The following GPC5 variants were observed in gnomAD, a reference collection of about 807,000 sequenced individuals.
GPC5 encodes the protein glypican-5.
Under a neutral mutation model 53.9 loss-of-function variants are expected in GPC5, and 47 were observed. The ratio of observed to expected loss-of-function variants is 0.87; its 90% CI spans 0.69 to 1.11. GPC5 has a LOEUF of 1.11. Among genes scored for constraint, GPC5 ranks in the 50% most tolerant of loss-of-function variants. The pLI is 0.00. For synonymous variants in GPC5, 286 were observed against 263.3 expected (o/e 1.09, Z -0.84); for missense variants, 748 against 713.1 (o/e 1.05, Z -0.56).
At chr13:91,858,841 G>C (rs915512690) in intron 5 of GPC5, among the ~76,000 whole-genome samples, 1 of 151,632 alleles carries the variant, frequency 6.6e-6, no homozygotes, top group Non-Finnish European at 1.5e-5. Flanking sequence ...TTACTTCTTG[G>C]TCTTTACAGG....
intron 7 of GPC5, among the ~76,000 whole-genome samples, chr13:92,160,385 A>T (rs893093204): frequency 9.9e-5 from 15 of 152,188 alleles, no homozygotes; most frequent in African/African-American, 3.4e-4. Context: ...CCTTCCTTCT[A>T]GTCTTCGGGT....
chr13:92,181,389 T>TA (rs2042145720), intron 7 of GPC5, among the ~76,000 whole-genome samples: 1 of 152,166 alleles, frequency 6.6e-6, no homozygotes, highest in African/African-American at 2.4e-5. Context: ...AATGAATGAA[T>TA]AAAATCAAGC....
chr13:92,584,898 C>T (rs1464905792), intron 7 of GPC5, among the ~76,000 whole-genome samples: 3 of 152,106 alleles, frequency 2.0e-5, no homozygotes, highest in African/African-American at 2.4e-5. Context: ...GCAGCTTCCA[C>T]ATGGTGTCGA....
At chr13:92,535,640 G>C (rs1410583980) in intron 7 of GPC5, among the ~76,000 whole-genome samples, 1 of 149,542 alleles carries the variant, frequency 6.7e-6, no homozygotes, top group Non-Finnish European at 1.5e-5. Context: ...TAAGCTTTAA[G>C]ACTAGAATAG....
In GPC5 at chr13:92,510,278, T is replaced by A. The variant is rs145283070; in HGVS notation, c.1562-356004T>A. 1.4e-4 allele frequency among the ~76,000 whole-genome samples: 21 copies of A among 152,284 alleles called. 1 individual carries two copies. The East Asian group carries it at 4.1e-3, about 29-fold the overall frequency. ...ATAACTCAGCTTCATCTTGGCCCAC[T>A]TTCAAGTAAAATTCAAATAAATTAA... On this transcript the variant is annotated intron_variant, in intron 7 of 7. Transcript: ENST00000377067.
At chr13:92,477,699 A>G (rs1164856709) in intron 7 of GPC5, among the ~76,000 whole-genome samples, 1 of 152,156 alleles carries the variant, frequency 6.6e-6, no homozygotes, top group Non-Finnish European at 1.5e-5. Context: ...TCTGTTTTGT[A>G]CACTCAATGA....
At chr13:92,810,590 TC>T (rs1222304977) in intron 7 of GPC5, among the ~76,000 whole-genome samples, 1 of 151,844 alleles carries the variant, frequency 6.6e-6, no homozygotes, top group East Asian at 1.9e-4. Context: ...AAGCAATAAC[TC>T]CCCATTCACC....
At chr13:92,422,488 T>A (rs5805743) in intron 7 of GPC5, among the ~76,000 whole-genome samples, 13,244 of 132,794 alleles carry the variant, frequency 0.1, 842 homozygotes, top group East Asian at 0.17. Context: ...CATCACCATC[T>A]CACACACACA....
intron 7 of GPC5, among the ~76,000 whole-genome samples, chr13:92,796,199 C>A (rs1347924581): frequency 6.6e-6 from 1 of 152,066 alleles, no homozygotes; most frequent in Non-Finnish European, 1.5e-5. Context: ...AGGATGAGTT[C>A]ATGTCCTTTG....
At chr13:91,692,192 T>C (rs2035771132) in intron 2 of GPC5, among the ~76,000 whole-genome samples, 1 of 152,178 alleles carries the variant, frequency 6.6e-6, no homozygotes, top group Non-Finnish European at 1.5e-5. Context: ...CACAGTAAAG[T>C]CTTTGAAGAT....
chr13:92,529,134 T>C (rs1431156193), intron 7 of GPC5, among the ~76,000 whole-genome samples: 1 of 152,160 alleles, frequency 6.6e-6, no homozygotes, highest in Non-Finnish European at 1.5e-5. Context: ...GTTCAAAATA[T>C]TGTGTTGTTA....
chr13:92,266,264 C>T (rs535593452), intron 7 of GPC5, among the ~76,000 whole-genome samples: 5 of 152,068 alleles, frequency 3.3e-5, no homozygotes, highest in South Asian at 4.2e-4. Flanking sequence ...GATTATCTTC[C>T]AGTTGATACG....
intron 6 of GPC5, among the ~76,000 whole-genome samples, chr13:92,127,381 A>G (rs1005837356): frequency 3.3e-5 from 5 of 152,092 alleles, no homozygotes; most frequent in Non-Finnish European, 7.4e-5. Flanking sequence ...TTAGAATATT[A>G]GCTTTTTTAA....
intron 7 of GPC5, among the ~76,000 whole-genome samples, chr13:92,215,291 AT>A (rs2042401922): frequency 6.6e-6 from 1 of 152,130 alleles, no homozygotes; most frequent in Non-Finnish European, 1.5e-5. Flanking sequence ...CATTTAGAAT[AT>A]TTTTTCCATC....
chr13:92,698,064 G>A (rs1049667946), intron 7 of GPC5, among the ~76,000 whole-genome samples: 1 of 152,112 alleles, frequency 6.6e-6, no homozygotes, highest in African/African-American at 2.4e-5. Flanking sequence ...TGATCATGGT[G>A]GATAAGCTTT....
intron 7 of GPC5, among the ~76,000 whole-genome samples, chr13:92,540,438 T>C (rs1201745750): frequency 1.3e-5 from 2 of 151,928 alleles, no homozygotes; most frequent in East Asian, 3.9e-4. Context: ...GATAAAATAT[T>C]AGCGTTTGGT....
intron 5 of GPC5, among the ~76,000 whole-genome samples, chr13:91,760,937 C>G (rs1215060459): frequency 1.3e-5 from 2 of 152,186 alleles, no homozygotes; most frequent in Non-Finnish European, 2.9e-5. Flanking sequence ...GTCAACAGTT[C>G]AAACAATTTC....
At chr13:91,474,172 G>A (rs1419193889) in intron 2 of GPC5, among the ~76,000 whole-genome samples, 1 of 151,998 alleles carries the variant, frequency 6.6e-6, no homozygotes, top group Non-Finnish European at 1.5e-5. Context: ...CATTTTTGAT[G>A]GAGACATTTT....
At chr13:91,977,467 T>A (rs2040314325) in intron 6 of GPC5, among the ~76,000 whole-genome samples, 1 of 152,174 alleles carries the variant, frequency 6.6e-6, no homozygotes, top group Non-Finnish European at 1.5e-5. Flanking sequence ...GTGCAACATG[T>A]CATTTAAGAA....
Sources: gnomAD v4.1 joint callset for allele counts (sites outside exome capture counted in the v4.1 genomes callset) on GRCh38, gnomAD v4.1.1 for gene constraint, MANE v1.5 for transcripts, NCBI Gene and HGNC (gene_info 2026-07-23, HGNC 2026-07-21) for gene names.